The following ESRRG variants were observed in gnomAD, a reference collection of about 807,000 sequenced individuals.
ESRRG encodes the protein estrogen related receptor gamma, also known as estrogen-related receptor gamma.
ESRRG carries 13 observed loss-of-function variants against 44.0 expected under a neutral mutation model. The ratio of observed to expected loss-of-function variants is 0.30; its 90% CI spans 0.19 to 0.47. The LOEUF is 0.47. ESRRG is among the 20% of genes least tolerant of loss of function. The pLI is 1.00. For missense variants in ESRRG, 395 were observed against 580.6 expected (o/e 0.68, Z 3.29); for synonymous variants, 215 against 214.6 (o/e 1.00, Z -0.02).
chr1:216,772,691 T>TTTTG lies in ESRRG; in HGVS notation c.-13-95204_-13-95201dup, dbSNP rs528160143. On this transcript the variant is annotated intron_variant, in intron 2 of 7. Transcript: ENST00000359162. The stretch of plus-strand genomic sequence containing the variant: ...TTAGAAAACAATGGCATAGTGAGTT[T>TTTTG]TTTGTTTGTTTGTTTGTTTGTTTGT... Among the ~76,000 whole-genome samples the TTTTG allele has an allele frequency of 8.5e-3, 1,287 of 152,108 alleles. 17 individuals are homozygous for TTTTG. Among genetic ancestry groups the TTTTG allele is most frequent in the African/African-American group, 0.027 (1,123 of 41,496 alleles).
chr1:216,836,579 C>T (rs936960453), intron 2 of ESRRG, among the ~76,000 whole-genome samples: 1 of 152,178 alleles, frequency 6.6e-6, no homozygotes, highest in Non-Finnish European at 1.5e-5. Context: ...AACAGGTGAT[C>T]TCTCTCTTCT....
At chr1:216,508,742 A>G (rs2041905407) in intron 6 of ESRRG, among the ~76,000 whole-genome samples, 1 of 152,232 alleles carries the variant, frequency 6.6e-6, no homozygotes. Flanking sequence ...GATGATGGCA[A>G]CATGATCTGA....
intron 1 of ESRRG, among the ~76,000 whole-genome samples, chr1:216,941,714 A>G (rs1395194664): frequency 6.6e-6 from 1 of 152,122 alleles, no homozygotes; most frequent in Non-Finnish European, 1.5e-5. Flanking sequence ...ACTAATCCAG[A>G]TGAAAGATTT....
intron 1 of ESRRG, among the ~76,000 whole-genome samples, chr1:216,992,865 G>A (rs1352127852): frequency 1.3e-5 from 2 of 152,134 alleles, no homozygotes; most frequent in African/African-American, 4.8e-5. Context: ...GCCTCATTAT[G>A]TCCTTCCGTC....
intron 3 of ESRRG, among the ~76,000 whole-genome samples, chr1:216,590,870 C>T (rs1456102071): frequency 6.6e-6 from 1 of 152,072 alleles, no homozygotes; most frequent in Non-Finnish European, 1.5e-5. Context: ...CTAAAGCTTA[C>T]ACTTTGTTGG....
intron 5 of ESRRG, among the ~76,000 whole-genome samples, chr1:216,558,384 C>T (rs1009573999): frequency 6.6e-6 from 1 of 151,496 alleles, no homozygotes; most frequent in Non-Finnish European, 1.5e-5. Flanking sequence ...TGGTCCTGCC[C>T]ATGTAGAATA....
chr1:216,709,343 G>GTGTATATATATA (rs377260365), intron 1 of ESRRG, among the ~76,000 whole-genome samples: 14 of 145,390 alleles, frequency 9.6e-5, no homozygotes, highest in African/African-American at 3.1e-4. Context: ...GTGTGTGTGT[G>GTGTATATATATA]TATATATATA....
chr1:217,087,830 G>T (rs1228053501), intron 1 of ESRRG, among the ~76,000 whole-genome samples: 2 of 152,102 alleles, frequency 1.3e-5, no homozygotes, highest in Non-Finnish European at 2.9e-5. Flanking sequence ...GATCATCCAG[G>T]CCTGCTTCCT....
At chr1:216,662,455 G>A (rs6675074) in intron 2 of ESRRG, among the ~76,000 whole-genome samples, 94 of 152,252 alleles carry the variant, frequency 6.2e-4, no homozygotes, top group African/African-American at 2.1e-3. Flanking sequence ...AGAGAAAGGC[G>A]AGGAAAGCCC....
chr1:216,900,570 T>A (rs2058959288), intron 2 of ESRRG, among the ~76,000 whole-genome samples: 1 of 152,148 alleles, frequency 6.6e-6, no homozygotes, highest in African/African-American at 2.4e-5. Context: ...TTTGACCTAG[T>A]GTATAAATTT....
intron 1 of ESRRG, among the ~76,000 whole-genome samples, chr1:217,120,271 T>A (rs1384755859): frequency 1.3e-5 from 2 of 151,790 alleles, no homozygotes; most frequent in Non-Finnish European, 2.9e-5. Context: ...AATATTTTAT[T>A]TTATTTCATT....
chr1:216,986,070 T>C (rs1292363270), intron 1 of ESRRG, among the ~76,000 whole-genome samples: 2 of 152,152 alleles, frequency 1.3e-5, no homozygotes, highest in African/African-American at 4.8e-5. Flanking sequence ...TTGTATATTT[T>C]GGTGACATTT....
chr1:216,636,243 CA>C (rs2065272208), intron 3 of ESRRG, among the ~76,000 whole-genome samples: 1 of 152,144 alleles, frequency 6.6e-6, no homozygotes, highest in African/African-American at 2.4e-5. Context: ...CTTCATTTTT[CA>C]ACTGTATTTA....
At chr1:217,116,270 C>T (rs972195474) in intron 1 of ESRRG, among the ~76,000 whole-genome samples, 1 of 152,152 alleles carries the variant, frequency 6.6e-6, no homozygotes, top group African/African-American at 2.4e-5. Flanking sequence ...GCTGACAGGT[C>T]CTAACTCTGG....
intron 3 of ESRRG, among the ~76,000 whole-genome samples, chr1:216,634,243 T>C (rs1036757659): frequency 1.3e-5 from 2 of 152,190 alleles, no homozygotes; most frequent in Non-Finnish European, 2.9e-5. Flanking sequence ...TACTTTCAAC[T>C]CTTAGATACT....
chr1:216,554,127 T>C (rs2057002693), intron 5 of ESRRG, among the ~76,000 whole-genome samples: 1 of 152,078 alleles, frequency 6.6e-6, no homozygotes, highest in South Asian at 2.1e-4. Context: ...TGTAAGAGTC[T>C]AGTGCTGTGG....
chr1:216,664,129 A>T lies in ESRRG; in HGVS notation c.472+12947T>A, dbSNP rs192768459. Among the ~76,000 whole-genome samples the T allele has an allele frequency of 2.6e-4, 39 of 152,266 alleles. No homozygotes were observed. In the East Asian group the frequency reaches 6.7e-3, roughly 26 times the overall value. Reference sequence around the variant, plus strand: ...TTTAATAACTTAAATGATTTTGCCCATGGATTAAAATTCTCTCAAGAAAAA... The same window carrying T: ...TTTAATAACTTAAATGATTTTGCCCTTGGATTAAAATTCTCTCAAGAAAAA... On this transcript the variant is annotated intron_variant, in intron 2 of 6. Coordinates refer to ENST00000408911, the MANE Select transcript of ESRRG (RefSeq NM_001438.4).
At chr1:217,018,060 G>A (rs954945156) in intron 1 of ESRRG, among the ~76,000 whole-genome samples, 2 of 152,098 alleles carry the variant, frequency 1.3e-5, no homozygotes, top group South Asian at 2.1e-4. Flanking sequence ...CTGGATTTCC[G>A]AATTATGGAT....
chr1:216,871,390 G>A (rs2096257255), intron 2 of ESRRG, among the ~76,000 whole-genome samples: 1 of 151,828 alleles, frequency 6.6e-6, no homozygotes, highest in Non-Finnish European at 1.5e-5. Flanking sequence ...TTATGAACTA[G>A]GATATAGTCT....
Sources: gnomAD v4.1 joint callset for allele counts (sites outside exome capture counted in the v4.1 genomes callset) on GRCh38, gnomAD v4.1.1 for gene constraint, MANE v1.5 for transcripts, NCBI Gene and HGNC (gene_info 2026-07-23, HGNC 2026-07-21) for gene names.